The following WDR33 variants were observed in gnomAD, a reference collection of about 807,000 sequenced individuals.
WDR33 encodes pre-mRNA 3' end processing protein WDR33.
Under a neutral mutation model 164.9 loss-of-function variants are expected in WDR33, and 47 were observed. The observed-to-expected ratio is 0.29, with a 90% CI of 0.23 to 0.36. The LOEUF (loss-of-function observed/expected upper bound fraction) is 0.36. WDR33 is among the 10% of genes least tolerant of loss of function. WDR33 has a pLI of 1.00. For missense variants in WDR33, 1,137 were observed against 1,754.1 expected, an observed-to-expected ratio of 0.65 and a Z score of 6.28; for synonymous variants, 505 against 589.0, an observed-to-expected ratio of 0.86 and a Z score of 2.06.
At chr2:127,781,171 T>A (rs1688356785) in intron 1 of WDR33, among the ~76,000 whole-genome samples, 1 of 152,164 alleles carries the variant, frequency 6.6e-6, no homozygotes, top group Admixed American at 6.6e-5. Flanking sequence ...GCCCAATTAA[T>A]AGCTTTTTAA....
intron 4 of WDR33, among the ~76,000 whole-genome samples, 161 bp from the exon 5 acceptor site, chr2:127,765,430 CAACTT>C (rs1458138414): frequency 4.6e-5 from 7 of 152,244 alleles, no homozygotes; most frequent in South Asian, 2.1e-4. Flanking sequence ...TGTCAGAAAA[CAACTT>C]AACACTGTGC....
intron 1 of WDR33, among the ~76,000 whole-genome samples, chr2:127,789,600 A>C (rs1476617591): frequency 2.0e-5 from 3 of 148,838 alleles, no homozygotes; most frequent in Non-Finnish European, 4.5e-5. Context: ...CTGAGGCAGG[A>C]GAATCAGGCA....
At chr2:127,747,047 G>C (rs17418125) in intron 7 of WDR33, among the ~76,000 whole-genome samples, 11,546 of 152,182 alleles carry the variant, frequency 0.076, 455 homozygotes, top group Non-Finnish European at 0.092. Context: ...GATCACCAAA[G>C]TGAGTTTCGC....
At chr2:127,768,353 A>C (rs564260468) in intron 3 of WDR33, 60 bp from the exon 4 acceptor site, 1 of 984,706 alleles carries the variant, frequency 1.0e-6, no homozygotes, top group South Asian at 2.2e-5. Context: ...CAGAAACCAG[A>C]AACACGGCAA....
Position 127,714,780 on chromosome 2 carries a change from T to A in WDR33, c.2870-759A>T, listed in dbSNP as rs1686259326. Among the ~76,000 whole-genome samples the A allele has an allele frequency of 6.6e-6, 1 of 152,238 alleles. No individual in the cohort carries two copies. The highest frequency in any genetic ancestry group is 2.4e-5 in the African/African-American group (1 of 41,470). On this transcript the variant is annotated intron_variant, in intron 17 of 21. Coordinates refer to ENST00000322313, the MANE Select transcript of WDR33 (RefSeq NM_018383.5). This position sits in a 1 kb window ranked among gnomAD's most constrained non-coding sequence, Gnocchi z 4.3. ...GTTAAATGTGTGATGGTTAACTTAG[T>A]TCACCTCCTAACTTGGAAGGGACTG...
chr2:127,800,547 G>GA (rs1689199288), intron 1 of WDR33, among the ~76,000 whole-genome samples: 1 of 149,492 alleles, frequency 6.7e-6, no homozygotes, highest in Admixed American at 6.7e-5. Flanking sequence ...TGAGGCAGGA[G>GA]AATGGCATGA....
At position 127,770,415 on chromosome 2, in the gene WDR33, C is replaced by A. The variant is rs150405425; in HGVS notation, c.204+363G>T. Among the ~76,000 whole-genome samples the A allele has an allele frequency of 2.4e-4, 37 of 152,248 alleles. No individual in the cohort carries two copies. In the East Asian group the frequency reaches 7.1e-3, roughly 29 times the overall value. ...TCTTCTTTTAAATAACCAGGCCGGG[C>A]GCAGTGGCTCATGCCTGTAATCCCA... On this transcript the variant is annotated intron_variant, in intron 2 of 21. Coordinates refer to ENST00000322313, the MANE Select transcript of WDR33 (RefSeq NM_018383.5). The surrounding 1 kb of genome is among the most constrained non-coding windows in gnomAD (Gnocchi z 4.9).
In WDR33 at chr2:127,764,340, G is replaced by A; in HGVS notation, c.626+488C>T. ...TTGCCACATCCAGTTATCTGTGAGG[G>A]TTTTAGTCCTATACTTTCCTTTGGA... On this transcript the variant is annotated intron_variant, in intron 6 of 21. Coordinates refer to ENST00000322313, the MANE Select transcript of WDR33 (RefSeq NM_018383.5). This position sits in a 1 kb window ranked among gnomAD's most constrained non-coding sequence, Gnocchi z 6.2. 1 of 1,390,664 alleles carries A rather than the reference G, an allele frequency of 7.2e-7. No homozygotes were observed. The highest frequency in any genetic ancestry group is 1.9e-5 in the South Asian group (1 of 53,686). The allele number at this position is 1,390,664 out of a possible 1,614,324, so 86.1% of individuals were successfully genotyped here. A position where few individuals can be genotyped will look rare whatever the true frequency, so the allele number is the denominator to read the frequency against.
At position 127,719,346 on chromosome 2, in the gene WDR33, T is replaced by TTTC; in HGVS notation, c.2678_2679insGAA (p.Pro893_His894insLys). On this transcript the variant is annotated inframe_insertion, in exon 16 of 22. Transcript: ENST00000322313. The surrounding 1 kb of genome is among the most constrained non-coding windows in gnomAD (Gnocchi z 6.5). ...ATGGTATTGGCCCTTGAGATGGATG[T>TTTC]GGCCCTCTTGCTGGGTTCTGCTGTC... 1 of 1,509,396 alleles carries TTTC rather than the reference T, an allele frequency of 6.6e-7. No homozygotes were observed. Among genetic ancestry groups the TTTC allele is most frequent in the Non-Finnish European group, 8.8e-7 (1 of 1,130,272 alleles). 93.5% of individuals were successfully genotyped at this position (1,509,396 alleles called of 1,614,324 possible). A position where few individuals can be genotyped will look rare whatever the true frequency, so the allele number is the denominator to read the frequency against.
Position 127,701,366 on chromosome 2 carries a change from C to A in WDR33, c.*4957G>T, listed in dbSNP as rs1420453043. On this transcript the variant is annotated 3_prime_UTR_variant, in exon 22 of 22. Transcript: ENST00000322313. Reference sequence around the variant, plus strand: ...CACCTGCGACCACGGTACTTGGGGACACCACAAAAGTCCGCAGAGCAGGCA... The same window carrying A: ...CACCTGCGACCACGGTACTTGGGGAAACCACAAAAGTCCGCAGAGCAGGCA... 3.4e-6 allele frequency: 2 copies of A among 591,534 alleles called. No homozygotes were observed. Among genetic ancestry groups the A allele is most frequent in the Admixed American group, 9.0e-5 (2 of 22,186 alleles). 36.6% of individuals were successfully genotyped at this position (591,534 alleles called of 1,614,324 possible).
rs920939883 is a variant in WDR33, at chr2:127,763,126, G to A, written c.660C>T (p.Cys220=). The A allele has an allele frequency of 4.3e-6, 7 of 1,613,960 alleles. No homozygotes were observed. The highest frequency in any genetic ancestry group is 1.1e-5 in the South Asian group (1 of 91,086). The change falls in exon 7 of 22, where the codon TGC becomes TGT. Residue 220 remains cysteine, a synonymous_variant. Transcript: ENST00000322313. The surrounding 1 kb of genome is among the most constrained non-coding windows in gnomAD (Gnocchi z 4.5). ...FSPTDNKFAT[C]SDDGTVRIWD... is the part of the protein sequence containing the mutation. ...AGATTCTAACAGTGCCGTCATCAGAGCATGTAGCAAATTTATTATCCGTGG... is the reference window on the plus strand; with the variant it reads ...AGATTCTAACAGTGCCGTCATCAGAACATGTAGCAAATTTATTATCCGTGG...
chr2:127,780,198 C>T (rs1012707235), intron 1 of WDR33, among the ~76,000 whole-genome samples: 1 of 152,118 alleles, frequency 6.6e-6, no homozygotes, highest in Non-Finnish European at 1.5e-5. Flanking sequence ...TGGTCTCGAT[C>T]TCCTGACCTC....
chr2:127,709,731 C>T lies in WDR33; in HGVS notation c.3434G>A (p.Gly1145Glu). The T allele has an allele frequency of 1.9e-6, 3 of 1,614,250 alleles. No homozygotes were observed. Among genetic ancestry groups the T allele is most frequent in the Non-Finnish European group, 2.5e-6 (3 of 1,180,050 alleles). The change falls in exon 19 of 22, where the codon GGA becomes GAA. Residue 1145 changes from glycine (G) to glutamate (E), a missense_variant. Gly to Glu is a moderately conservative substitution (Grantham distance 98). This residue lies in a region of WDR33 where 867 missense variants were observed against 1,073.0 expected (regional missense o/e 0.81). Transcript: ENST00000322313. The surrounding 1 kb of genome is among the most constrained non-coding windows in gnomAD (Gnocchi z 5.0). ...NFDASEEAAR[G>E]RDLRGRGRGT... The stretch of plus-strand genomic sequence containing the variant: ...CCGACCTCGACCTCTGAGATCTCGT[C>T]CTCGGGCCGCTTCCTCAGAAGCATC...
intron 7 of WDR33, chr2:127,737,591 C>T (rs1303241083): frequency 2.0e-6 from 2 of 995,730 alleles, no homozygotes; most frequent in Non-Finnish European, 2.4e-6. Flanking sequence ...AGTACCTACA[C>T]TACGTTAATA....
At chr2:127,766,841 C>T (rs887213607) in intron 4 of WDR33, among the ~76,000 whole-genome samples, 3 of 151,912 alleles carry the variant, frequency 2.0e-5, no homozygotes, top group African/African-American at 7.3e-5. Context: ...ACAATCTAGG[C>T]TCACTGCAAC....
At chr2:127,791,213 C>A (rs988268259) in intron 1 of WDR33, among the ~76,000 whole-genome samples, 1 of 127,520 alleles carries the variant, frequency 7.8e-6, no homozygotes, top group African/African-American at 3.0e-5. Context: ...GGCTGCAAGA[C>A]AGTGGCACAA....
rs1360615065 is a variant in WDR33, at chr2:127,709,131, A to C, written c.3566-239T>G. On this transcript the variant is annotated intron_variant, in intron 20 of 21. Coordinates refer to ENST00000322313, the MANE Select transcript of WDR33 (RefSeq NM_018383.5). The surrounding 1 kb of genome is among the most constrained non-coding windows in gnomAD (Gnocchi z 5.0). ...GTATCAAGACGTCTTTACAGTCTCA[A>C]ATTACTGAGGACTCCTAAGAGATTT... 2.0e-5 allele frequency among the ~76,000 whole-genome samples: 3 copies of C among 152,182 alleles called. No homozygotes were observed. The highest frequency in any genetic ancestry group is 2.9e-5 in the Non-Finnish European group (2 of 68,018).
intron 7 of WDR33, chr2:127,736,949 C>G: frequency 2.0e-6 from 2 of 985,082 alleles, no homozygotes; most frequent in Non-Finnish European, 2.4e-6. Flanking sequence ...TGGAGAAAAA[C>G]AGTTAATTGA....
chr2:127,720,198 C>T lies in WDR33; in HGVS notation c.1827G>A (p.Gln609=). The T allele has an allele frequency of 6.2e-7, 1 of 1,611,788 alleles. No individual in the cohort carries two copies. The highest frequency in any genetic ancestry group is 1.1e-5 in the South Asian group (1 of 90,714). The change falls in exon 16 of 22, where the codon CAG becomes CAA. Residue 609 remains glutamine (Q), a synonymous_variant. Coordinates refer to ENST00000322313, the MANE Select transcript of WDR33 (RefSeq NM_018383.5). The surrounding 1 kb of genome is among the most constrained non-coding windows in gnomAD (Gnocchi z 5.9). ...QGFQQPHPSQ[Q]MPMNMAQMGP... is the part of the protein sequence containing the mutation. Reference sequence around the variant, plus strand: ...CCATTTGAGCCATGTTCATTGGCATCTGCTGAGATGGATGGGGCTGTTGAA... The same window carrying T: ...CCATTTGAGCCATGTTCATTGGCATTTGCTGAGATGGATGGGGCTGTTGAA...
Sources: allele counts gnomAD v4.1 joint callset (sites outside exome capture counted in the v4.1 genomes callset), GRCh38; gene constraint gnomAD v4.1.1; regional missense constraint gnomAD v4.1.1; non-coding constraint Gnocchi (gnomAD v3.1); transcripts MANE v1.5; gene names NCBI Gene and HGNC (gene_info 2026-07-23, HGNC 2026-07-21).